BPIFC: variants seen among roughly 807,000 people sequenced by gnomAD.
BPIFC encodes BPI fold-containing family C protein.
In BPIFC, 60 loss-of-function variants were observed where a neutral mutation model predicts 57.6. That is an observed-to-expected ratio of 1.04 (90% CI 0.85 to 1.29). The LOEUF (loss-of-function observed/expected upper bound fraction) is 1.29. Among genes scored for constraint, BPIFC ranks in the 50% most tolerant of loss-of-function variants. The pLI, the probability that BPIFC is intolerant of heterozygous loss-of-function variation, is 0.00. For missense variants in BPIFC, 581 were observed against 600.5 expected (o/e 0.97, Z 0.34); for synonymous variants, 243 against 224.5 (o/e 1.08, Z -0.74).
intron 13 of BPIFC, among the ~76,000 whole-genome samples, chr22:32,422,106 T>C (rs1206183696): frequency 4.6e-5 from 7 of 152,102 alleles, no homozygotes; most frequent in African/African-American, 1.7e-4. Flanking sequence ...TGTGTTACGA[T>C]TTTCATTTTT....
rs369700757 is a variant in BPIFC, at chr22:32,414,360, G to C, written c.1467C>G (p.His489Gln). 1.9e-6 allele frequency: 3 copies of C among 1,614,006 alleles called. No homozygotes were observed. ...TTATCAGGTTCAGACCTTCCCATAC[G>C]TGGAAACTTGGCTGCTGCTTTGAGG... The part of the protein sequence containing the change: ...ETSSKQQPSF[H>Q]VWEGLNLISR... The change falls in exon 17 of 17, where the codon CAC becomes CAG. Residue 489 changes from histidine (H) to glutamine (Q), a missense_variant. Coordinates refer to ENST00000300399, the MANE Select transcript of BPIFC (RefSeq NM_174932.3).
intron 1 of BPIFC, among the ~76,000 whole-genome samples, chr22:32,462,168 C>CAAAAAAAAAAAAAAAAAAAAAAAAAAAAA (rs35716277): frequency 3.7e-5 from 2 of 53,596 alleles, no homozygotes; most frequent in Non-Finnish European, 6.5e-5. Context: ...GACTCCATCT[C>CAAAAAAAAAAAAAAAAAAAAAAAAAAAAA]AAAAAAAAAA....
At position 32,437,848 on chromosome 22, in the gene BPIFC, A is replaced by G; in HGVS notation, c.659T>C (p.Leu220Ser). ...LNANLSTLEV[L>S]TKIDNYTLLD... The stretch of plus-strand genomic sequence containing the variant: ...CAGAGTGTAGTTGTCAATCTTGGTT[A>G]AAACTAAATAACCAACAAAGAAAAA... The change falls in exon 9 of 17, where the codon TTA becomes TCA. Residue 220 changes from leucine to serine, a missense_variant. Leu to Ser is a moderately radical substitution (Grantham distance 145). Coordinates refer to ENST00000300399, the MANE Select transcript of BPIFC (RefSeq NM_174932.3). 2 of 1,598,818 alleles carry G rather than the reference A, an allele frequency of 1.3e-6. No individual in the cohort carries two copies. Among genetic ancestry groups the G allele is most frequent in the Non-Finnish European group, 1.7e-6 (2 of 1,166,986 alleles).
At chr22:32,417,281 T>C (rs1933709702) in intron 14 of BPIFC, 133 bp from the exon 15 acceptor site, 1 of 648,856 alleles carries the variant, frequency 1.5e-6, no homozygotes, top group Admixed American at 2.8e-5. Context: ...GCTCAAGCAA[T>C]CTTCCTGCCT....
intron 10 of BPIFC, among the ~76,000 whole-genome samples, chr22:32,433,975 C>T (rs1934316736): frequency 6.6e-6 from 1 of 151,984 alleles, no homozygotes. Flanking sequence ...CCCAAGGTCA[C>T]ACAGGATGTT....
intron 14 of BPIFC, 107 bp from the exon 15 acceptor site, chr22:32,417,255 A>C (rs1601439755): frequency 1.3e-6 from 1 of 758,886 alleles, no homozygotes; most frequent in Non-Finnish European, 2.1e-6. Context: ...GGCTCTCTCC[A>C]GCCTCGAACT....
chr22:32,440,524 T>C (rs554073597), intron 8 of BPIFC, among the ~76,000 whole-genome samples: 53 of 152,282 alleles, frequency 3.5e-4, no homozygotes, highest in Non-Finnish European at 5.9e-4. Context: ...AAGGAACTCA[T>C]AGTCTTGGGG....
chr22:32,450,050 C>T (rs1465576938), intron 4 of BPIFC, among the ~76,000 whole-genome samples: 1 of 151,226 alleles, frequency 6.6e-6, no homozygotes, highest in Non-Finnish European at 1.5e-5. Context: ...ATGTACTTCT[C>T]TAAGGAGGAT....
intron 8 of BPIFC, 76 bp downstream of exon 8, chr22:32,442,595 G>T (rs1337303579): frequency 6.8e-6 from 10 of 1,469,970 alleles, no homozygotes; most frequent in Non-Finnish European, 9.5e-6. Flanking sequence ...ATACCGCCTT[G>T]AAAAGCAAAC....
intron 1 of BPIFC, among the ~76,000 whole-genome samples, chr22:32,464,014 A>G (rs942469649): frequency 3.9e-5 from 6 of 152,208 alleles, no homozygotes; most frequent in Admixed American, 2.6e-4. Flanking sequence ...GAGACAAGAT[A>G]GAATTTTCTG....
At chr22:32,450,836 T>C (rs1291437143) in intron 4 of BPIFC, among the ~76,000 whole-genome samples, 4 of 152,200 alleles carry the variant, frequency 2.6e-5, no homozygotes, top group Non-Finnish European at 1.5e-5. Flanking sequence ...TTCAAAACAA[T>C]TAAAAATCTG....
intron 1 of BPIFC, among the ~76,000 whole-genome samples, chr22:32,462,191 GAAAA>G (rs1935179848): frequency 3.2e-5 from 3 of 95,018 alleles, no homozygotes; most frequent in African/African-American, 1.2e-4. Context: ...AAAAAAAAAA[GAAAA>G]AAGAAAAAAA....
At position 32,445,946 on chromosome 22, in the gene BPIFC, C is replaced by T. The variant is rs139756027; in HGVS notation, c.425G>A (p.Gly142Asp). The T allele has an allele frequency of 2.3e-5, 37 of 1,614,046 alleles. No homozygotes were observed. In the African/African-American group the frequency reaches 4.0e-4, roughly 17 times the overall value. ...DLFLSGVYFT[G>D]IIILTRNDFG... Reference sequence around the variant, plus strand: ...GTCATTTCGGGTTAGGATAATGATACCGGTAAAGTAGACTCCGGAGAGAAA... The same window carrying T: ...GTCATTTCGGGTTAGGATAATGATATCGGTAAAGTAGACTCCGGAGAGAAA... Residue 142 changes from glycine to aspartate, a missense_variant, in exon 6 of 17, where the codon GGT (glycine) becomes GAT (aspartate). Transcript: ENST00000300399.
chr22:32,433,142 G>A (rs1260471169), intron 11 of BPIFC, among the ~76,000 whole-genome samples: 1 of 152,222 alleles, frequency 6.6e-6, no homozygotes, highest in Non-Finnish European at 1.5e-5. Context: ...GGCGGATATT[G>A]CAGTGAGCCA....
At chr22:32,422,419 G>C (rs1321536727) in intron 13 of BPIFC, among the ~76,000 whole-genome samples, 1 of 152,048 alleles carries the variant, frequency 6.6e-6, no homozygotes, top group Non-Finnish European at 1.5e-5. Flanking sequence ...TCTAAAAAGG[G>C]TGTGAAGCTG....
chr22:32,424,642 C>CTTCTTCTTCT (rs1556036523), intron 13 of BPIFC, among the ~76,000 whole-genome samples: 6 of 28,768 alleles, frequency 2.1e-4, no homozygotes, highest in African/African-American at 3.0e-4. Context: ...TCTTCTTCTT[C>CTTCTTCTTCT]TCTTCTTCTT....
chr22:32,429,086 T>A (rs1934154966), intron 13 of BPIFC, among the ~76,000 whole-genome samples: 1 of 152,222 alleles, frequency 6.6e-6, no homozygotes, highest in Non-Finnish European at 1.5e-5. Flanking sequence ...ATTTTCCTCT[T>A]CCAGATGCAA....
At chr22:32,422,724 T>C (rs1301716941) in intron 13 of BPIFC, among the ~76,000 whole-genome samples, 1 of 146,758 alleles carries the variant, frequency 6.8e-6, no homozygotes, top group Non-Finnish European at 1.5e-5. Flanking sequence ...AAAAAGAGAG[T>C]GCGAAAAGAT....
chr22:32,431,439 A>ATTTATTTTTTTTTTTTTTTTTTT, intron 12 of BPIFC, 25 bp from the exon 13 acceptor site: 1 of 1,343,074 alleles, frequency 7.4e-7, no homozygotes, highest in Non-Finnish European at 1.1e-6. Flanking sequence ...AGCATTTATT[A>ATTTATTTTTTTTTTTTTTTTTTT]TTAAGACGAG....
Sources: allele counts gnomAD v4.1 joint callset (sites outside exome capture counted in the v4.1 genomes callset), GRCh38; gene constraint gnomAD v4.1.1; transcripts MANE v1.5; gene names NCBI Gene and HGNC (gene_info 2026-07-23, HGNC 2026-07-21).